Variants in DCTN1 observed in about 807,000 individuals in gnomAD.
The protein encoded by DCTN1 is 150 kDa dynein-associated polypeptide.
DCTN1 carries 61 observed loss-of-function variants against 161.2 expected under a neutral mutation model. That is an observed-to-expected ratio of 0.38 (90% CI 0.31 to 0.47). The LOEUF (loss-of-function observed/expected upper bound fraction) is 0.47. Among genes scored for constraint, DCTN1 ranks in the 20% least tolerant of loss-of-function variants. The probability of loss-of-function intolerance (pLI) is 0.99; values close to 1 mark genes in which losing one functional copy is unlikely to be tolerated. For synonymous variants in DCTN1, 653 were observed against 632.4 expected (o/e 1.03, Z -0.49); for missense variants, 1,404 against 1,623.7 (o/e 0.86, Z 2.33).
upstream of DCTN1, among the ~76,000 whole-genome samples, chr2:74,382,239 G>C (rs548759205): frequency 1.2e-4 from 18 of 152,168 alleles, no homozygotes; most frequent in Non-Finnish European, 2.2e-4. Context: ...ATTTTCCTAT[G>C]AAATGAAAAT....
At position 74,374,618 on chromosome 2, in the gene DCTN1, GGAGCGGT is replaced by G. The variant is rs1179941761; in HGVS notation, c.415-285_415-279del. The G allele has an allele frequency of 3.2e-6, 4 of 1,248,022 alleles. No individual in the cohort carries two copies. The Admixed American group carries it at 1.3e-4, about 42-fold the overall frequency. The allele number at this position is 1,248,022 out of a possible 1,614,324, so 77.3% of individuals were successfully genotyped here. A position where few individuals can be genotyped will look rare whatever the true frequency, so the allele number is the denominator to read the frequency against. ...GGATCGCCAGGCTCCGGCAGGCACC[GGAGCGGT>G]GCCTGGCCCAGTTCACCAGCTTAGG... On this transcript the variant is annotated intron_variant, in intron 5 of 31. Transcript: ENST00000628224.
chr2:74,374,089 T>C, intron 6 of DCTN1: 1 of 583,642 alleles, frequency 1.7e-6, no homozygotes, highest in Non-Finnish European at 3.2e-6. Context: ...GTGAGGCCAC[T>C]GGGTGTTAAG....
At chr2:74,365,295 A>G in intron 25 of DCTN1, 54 bp from the exon 26 acceptor site, 1 of 1,607,256 alleles carries the variant, frequency 6.2e-7, no homozygotes, top group Non-Finnish European at 8.5e-7. Context: ...GCACTCCTTG[A>G]CTATTCAGTC....
chr2:74,389,033 A>G (rs1675872977), intron 1 of DCTN1, among the ~76,000 whole-genome samples: 2 of 152,140 alleles, frequency 1.3e-5, no homozygotes, highest in Admixed American at 1.3e-4. Flanking sequence ...ACTAAATCTC[A>G]ATCCTGTATA....
chr2:74,362,139 A>G lies in DCTN1; in HGVS notation c.3612T>C (p.Asp1204=), dbSNP rs1674047785. The G allele has an allele frequency of 6.2e-7, 1 of 1,612,118 alleles. No homozygotes were observed. Among genetic ancestry groups the G allele is most frequent in the South Asian group, 1.1e-5 (1 of 91,052 alleles). Residue 1204 remains aspartate, a splice_region_variant and synonymous_variant, in exon 31 of 32, where the codon GAT becomes GAC. Transcript: ENST00000628224. The part of the protein sequence containing the change: ...SLSDTVEKLK[D]EVLKETVSQR... The stretch of plus-strand genomic sequence containing the variant: ...GAGATACTGTCTCCTTGAGGACCTC[A>G]TCCTAGGGAAGGGGAGAGGAAGACA...
chr2:74,366,026 A>G lies in DCTN1; in HGVS notation c.2761-8T>C. ...CAGTTCAACCGGTGGAGGCTAAGGA[A>G]TGGTCGGTAGGGGGTGAGAAAGTGA... On this transcript the variant is annotated splice_region_variant and splice_polypyrimidine_tract_variant and intron_variant, in intron 23 of 31. Transcript: ENST00000628224. 6.2e-7 allele frequency: 1 copy of G among 1,614,214 alleles called. No individual in the cohort carries two copies. The highest frequency in any genetic ancestry group is 1.3e-5 in the African/African-American group (1 of 75,074).
chr2:74,368,551 T>G, intron 16 of DCTN1, 177 bp downstream of exon 16: 1 of 849,846 alleles, frequency 1.2e-6, no homozygotes. Flanking sequence ...AGAACCTATC[T>G]CTCCTTGAAA....
In DCTN1 at chr2:74,376,768, T is replaced by G; in HGVS notation, c.394-6A>C. On this transcript the variant is annotated splice_region_variant and splice_polypyrimidine_tract_variant and intron_variant, in intron 4 of 31. Transcript: ENST00000628224. ...TTCTTAGGCTTCAGTCCCCGCTGCA[T>G]GAGGAGTAGGAAAGGGCAGAGTTAG... 2 of 1,603,608 alleles carry G rather than the reference T, an allele frequency of 1.2e-6. No individual in the cohort carries two copies. Among genetic ancestry groups the G allele is most frequent in the African/African-American group, 1.3e-5 (1 of 74,944 alleles).
At position 74,362,153 on chromosome 2, in the gene DCTN1, G is replaced by T; in HGVS notation, c.3610-12C>A. On this transcript the variant is annotated splice_polypyrimidine_tract_variant and intron_variant, in intron 30 of 31. Coordinates refer to ENST00000628224, the MANE Select transcript of DCTN1 (RefSeq NM_004082.5). Reference sequence around the variant, plus strand: ...TTGAGGACCTCATCCTAGGGAAGGGGAGAGGAAGACAAGGGTTCATTTATG... The same window carrying T: ...TTGAGGACCTCATCCTAGGGAAGGGTAGAGGAAGACAAGGGTTCATTTATG... The T allele has an allele frequency of 6.2e-7, 1 of 1,612,794 alleles. No homozygotes were observed. Among genetic ancestry groups the T allele is most frequent in the Non-Finnish European group, 8.5e-7 (1 of 1,179,050 alleles).
At position 74,371,087 on chromosome 2, in the gene DCTN1, T is replaced by C. The variant is rs765427880; in HGVS notation, c.735A>G (p.Leu245=). The C allele has an allele frequency of 3.7e-6, 6 of 1,614,220 alleles. No individual in the cohort carries two copies. In the East Asian group the frequency reaches 6.7e-5, roughly 18 times the overall value. ...GGATTTTGTGTTTCTCCAGCTCTTT[T>C]AGCTTTGCTTTGTCTTCTGCCCGTT... ...RLKRAEDKAK[L]KELEKHKIQL... is the part of the protein sequence containing the mutation. Residue 245 remains leucine (L), a synonymous_variant, in exon 9 of 32, where the codon CTA becomes CTG. Coordinates refer to ENST00000628224, the MANE Select transcript of DCTN1 (RefSeq NM_004082.5).
chr2:74,366,315 T>C lies in DCTN1; in HGVS notation c.2689A>G (p.Ile897Val). The C allele has an allele frequency of 6.2e-7, 1 of 1,613,192 alleles. No individual in the cohort carries two copies. The highest frequency in any genetic ancestry group is 8.5e-7 in the Non-Finnish European group (1 of 1,179,174). ...GTGGCCAGCTTGTTCATGGTACTGA[T>C]GAGGATGTTGCATGACTGGCGCAGA... ...ECLRQSCNIL[I>V]STMNKLATAM... Residue 897 changes from isoleucine (I) to valine (V), a missense_variant, in exon 23 of 32, where the codon ATC becomes GTC. Physicochemically the swap from Ile to Val is conservative, Grantham distance 29. Around this residue, in one of 9 missense-constraint regions of DCTN1, gnomAD observed 475 missense variants for 489.8 expected, o/e 0.97. Transcript: ENST00000628224.
chr2:74,384,451 T>A (rs1213048885), upstream of DCTN1, among the ~76,000 whole-genome samples: 3 of 152,324 alleles, frequency 2.0e-5, no homozygotes, highest in African/African-American at 7.2e-5. Flanking sequence ...ACCTCTTGGA[T>A]TTCTAATCCA....
At chr2:74,376,869 G>C (rs1012420291) in intron 4 of DCTN1, 107 bp from the exon 5 acceptor site, 1 of 972,576 alleles carries the variant, frequency 1.0e-6, no homozygotes, top group Non-Finnish European at 1.6e-6. Flanking sequence ...GGGGGAGTCA[G>C]GGTGAGATGA....
At position 74,377,683 on chromosome 2, in the gene DCTN1, G is replaced by A; in HGVS notation, c.323C>T (p.Thr108Ile). ...GACTTTTGAAGCAGAAGAATCAGGTGTCTCTGGGGAAGTAGTATCTGCTCC... is the reference window on the plus strand; with the variant it reads ...GACTTTTGAAGCAGAAGAATCAGGTATCTCTGGGGAAGTAGTATCTGCTCC... Reference protein sequence around the residue: ...EDGADTTSPETPDSSASKVLK... With the variant: ...EDGADTTSPEIPDSSASKVLK... The change falls in exon 3 of 32, where the codon ACA (threonine) becomes ATA (isoleucine). Residue 108 changes from threonine (T) to isoleucine (I), a missense_variant. Coordinates refer to ENST00000628224, the MANE Select transcript of DCTN1 (RefSeq NM_004082.5). The A allele has an allele frequency of 1.2e-6, 2 of 1,614,160 alleles. No individual in the cohort carries two copies. The highest frequency in any genetic ancestry group is 1.7e-6 in the Non-Finnish European group (2 of 1,179,980).
chr2:74,374,647 T>C, intron 5 of DCTN1: 1 of 1,217,880 alleles, frequency 8.2e-7, no homozygotes, highest in Non-Finnish European at 1.0e-6. Context: ...TTCACCAGCT[T>C]AGGCTGATGG....
chr2:74,362,328 CATCCTGTAAG>C (rs1256252202), intron 30 of DCTN1, among the ~76,000 whole-genome samples, 187 bp from the exon 31 acceptor site: 1 of 152,196 alleles, frequency 6.6e-6, no homozygotes, highest in Non-Finnish European at 1.5e-5. Flanking sequence ...TGCAAGTCCT[CATCCTGTAAG>C]GCCCAACTCA....
chr2:74,363,267 T>C, intron 28 of DCTN1, 27 bp downstream of exon 28: 1 of 1,614,074 alleles, frequency 6.2e-7, no homozygotes. Context: ...CCATCTCCCA[T>C]CCCAGTCCTC....
Position 74,365,201 on chromosome 2 carries a change from C to T in DCTN1, c.3070G>A (p.Asp1024Asn), listed in dbSNP as rs1558935068. 2 of 1,614,158 alleles carry T rather than the reference C, an allele frequency of 1.2e-6. No homozygotes were observed. Among genetic ancestry groups the T allele is most frequent in the Non-Finnish European group, 1.7e-6 (2 of 1,180,026 alleles). Reference sequence around the variant, plus strand: ...TCTGCCTTCTCTGCCTCCAGCTGGTCGATGTCAGCCTGGAGTGCATCCATT... The same window carrying T: ...TCTGCCTTCTCTGCCTCCAGCTGGTTGATGTCAGCCTGGAGTGCATCCATT... ...ETMDALQADI[D>N]QLEAEKAELK... The change falls in exon 26 of 32, where the codon GAC becomes AAC. Residue 1024 changes from aspartate (D) to asparagine (N), a missense_variant. Around this residue, in one of 9 missense-constraint regions of DCTN1, gnomAD observed 23 missense variants for 48.5 expected, o/e 0.47. Coordinates refer to ENST00000628224, the MANE Select transcript of DCTN1 (RefSeq NM_004082.5).
At chr2:74,389,676 C>T (rs1348382464) in intron 1 of DCTN1, among the ~76,000 whole-genome samples, 3 of 152,140 alleles carry the variant, frequency 2.0e-5, no homozygotes, top group Non-Finnish European at 4.4e-5. Context: ...CTTCAGTCTG[C>T]CATGTAATAG....
Sources: gnomAD v4.1 joint callset for allele counts (sites outside exome capture counted in the v4.1 genomes callset) on GRCh38, gnomAD v4.1.1 for gene constraint, gnomAD v4.1.1 regional missense constraint, MANE v1.5 for transcripts, NCBI Gene and HGNC (gene_info 2026-07-23, HGNC 2026-07-21) for gene names.